DMGDH: variants seen among roughly 807,000 people sequenced by gnomAD.
DMGDH encodes the protein dimethylglycine dehydrogenase, also known as dimethylglycine dehydrogenase, mitochondrial.
In DMGDH, 76 loss-of-function variants were observed where a neutral mutation model predicts 95.2. The observed-to-expected ratio is 0.80, with a 90% CI of 0.66 to 0.97. DMGDH has a LOEUF of 0.97. Ranked by LOEUF, DMGDH falls within the 50% of genes least tolerant of loss-of-function variation. The pLI is 0.00. For missense variants in DMGDH, 987 were observed against 1,055.0 expected (o/e 0.94, Z 0.89); for synonymous variants, 345 against 377.6 (o/e 0.91, Z 1.00).
chr5:79,060,653 G>A (rs989537134), intron 2 of DMGDH, among the ~76,000 whole-genome samples: 1 of 152,086 alleles, frequency 6.6e-6, no homozygotes, highest in Non-Finnish European at 1.5e-5. Context: ...TGGCGCGGTG[G>A]CTCACGCCTG....
chr5:79,001,493 T>C (rs957379815), intron 15 of DMGDH, among the ~76,000 whole-genome samples: 1 of 152,204 alleles, frequency 6.6e-6, no homozygotes, highest in African/African-American at 2.4e-5. Flanking sequence ...ACTTTCTTGA[T>C]AACCTTGTTT....
intron 15 of DMGDH, among the ~76,000 whole-genome samples, chr5:79,003,349 G>A (rs1214771288): frequency 6.6e-6 from 1 of 152,168 alleles, no homozygotes; most frequent in Admixed American, 6.5e-5. Flanking sequence ...TTAATTAATG[G>A]CAGAGCTGGT....
At chr5:79,047,343 A>G (rs1018837936) in intron 5 of DMGDH, among the ~76,000 whole-genome samples, 1 of 152,188 alleles carries the variant, frequency 6.6e-6, no homozygotes, top group Non-Finnish European at 1.5e-5. Flanking sequence ...CTTCTACTAG[A>G]TGGTTTATAT....
At chr5:79,002,444 G>T (rs573780107) in intron 15 of DMGDH, among the ~76,000 whole-genome samples, 2 of 152,118 alleles carry the variant, frequency 1.3e-5, no homozygotes, top group Non-Finnish European at 2.9e-5. Flanking sequence ...GCTCCCTGTT[G>T]GACTTGACCT....
intron 1 of DMGDH, among the ~76,000 whole-genome samples, chr5:79,068,545 C>A (rs59761481): frequency 0.066 from 10,051 of 152,196 alleles, 604 homozygotes; most frequent in African/African-American, 0.15. Flanking sequence ...TGGAGACAAA[C>A]CTAGCACATC....
intron 12 of DMGDH, among the ~76,000 whole-genome samples, chr5:79,028,216 C>T (rs972341817): frequency 7.2e-5 from 11 of 152,014 alleles, no homozygotes; most frequent in African/African-American, 2.7e-4. Flanking sequence ...TCTGTGGAAC[C>T]ACTTTCAAGA....
intron 10 of DMGDH, 45 bp from the exon 11 acceptor site, chr5:79,030,079 A>G (rs1194349017): frequency 1.2e-5 from 18 of 1,540,848 alleles, no homozygotes; most frequent in Non-Finnish European, 1.4e-5. Context: ...ACTAAAAATC[A>G]CATGCATCCT....
intron 4 of DMGDH, among the ~76,000 whole-genome samples, chr5:79,052,397 C>G (rs1754895196): frequency 6.6e-6 from 1 of 152,164 alleles, no homozygotes; most frequent in African/African-American, 2.4e-5. Context: ...CTCTACATAT[C>G]TGGTCAAATT....
At chr5:79,069,410 G>T in intron 1 of DMGDH, 110 bp downstream of exon 1, 2 of 470,014 alleles carry the variant, frequency 4.3e-6, no homozygotes, top group Non-Finnish European at 6.8e-6. Flanking sequence ...ATATATCAAG[G>T]CCTATTTCTT....
At chr5:79,003,017 T>C (rs1207883119) in intron 15 of DMGDH, among the ~76,000 whole-genome samples, 1 of 152,178 alleles carries the variant, frequency 6.6e-6, no homozygotes, top group Admixed American at 6.5e-5. Flanking sequence ...GTTTTCAGGG[T>C]TTTAAAACTA....
At chr5:79,033,777 A>T (rs966938300) in intron 7 of DMGDH, among the ~76,000 whole-genome samples, 1 of 152,268 alleles carries the variant, frequency 6.6e-6, no homozygotes, top group South Asian at 2.1e-4. Flanking sequence ...CAAAAAAATT[A>T]AAAAATTATC....
At chr5:79,009,112 G>A (rs538089094) in intron 14 of DMGDH, among the ~76,000 whole-genome samples, 32 of 151,982 alleles carry the variant, frequency 2.1e-4, no homozygotes, top group Non-Finnish European at 2.2e-4. Context: ...TTAGGTGGCC[G>A]GAACCTATTT....
chr5:79,021,662 G>T, intron 14 of DMGDH: 1 of 1,312,920 alleles, frequency 7.6e-7, no homozygotes, highest in Non-Finnish European at 1.0e-6. Context: ...CTTAAAATGG[G>T]CAAAGCAGCT....
chr5:79,010,271 T>C (rs1001317710), intron 14 of DMGDH, among the ~76,000 whole-genome samples: 4 of 152,204 alleles, frequency 2.6e-5, no homozygotes, highest in African/African-American at 9.6e-5. Context: ...TTGTGATTCT[T>C]AGGGCAATGG....
At chr5:79,000,844 T>C (rs1753439965) in intron 15 of DMGDH, 3 of 637,176 alleles carry the variant, frequency 4.7e-6, no homozygotes, top group South Asian at 1.8e-5. Context: ...TGGCCACATA[T>C]ATATTTCCTC....
intron 9 of DMGDH, among the ~76,000 whole-genome samples, chr5:79,031,971 T>A (rs1754188849): frequency 6.6e-6 from 1 of 152,204 alleles, no homozygotes; most frequent in African/African-American, 2.4e-5. Flanking sequence ...ATGAATTAGA[T>A]CTAGTCTTAA....
At position 79,063,689 on chromosome 5, in the gene DMGDH, T is replaced by C. The variant is rs1305554983; in HGVS notation, c.200A>G (p.His67Arg). The C allele has an allele frequency of 6.2e-7, 1 of 1,614,198 alleles. No individual in the cohort carries two copies. The highest frequency in any genetic ancestry group is 1.7e-5 in the Admixed American group (1 of 60,028). The change falls in exon 2 of 16, where the codon CAC (histidine) becomes CGC (arginine). Residue 67 changes from histidine to arginine, a missense_variant. Transcript: ENST00000255189. ...ATCTTTCATCCCTGCTTTGGCCAGG[T>C]GATAAGCCAGACTCACACCAACACA... ...GGCVGVSLAYHLAKAGMKDVV... is the reference protein window; with the variant it reads ...GGCVGVSLAYRLAKAGMKDVV...
At chr5:79,063,418 T>A (rs1463602409) in intron 2 of DMGDH, among the ~76,000 whole-genome samples, 195 bp downstream of exon 2, 3 of 152,116 alleles carry the variant, frequency 2.0e-5, no homozygotes, top group Non-Finnish European at 4.4e-5. Context: ...CCAGAAGCCA[T>A]CTGTTCAAGA....
Position 79,033,303 on chromosome 5 carries a change from G to T in DMGDH, c.1299C>A (p.Gly433=). ...CAGTGTACTGGGTTGTTGTCCATTT[G>T]CCATAGCGATTAGGATCCAATTCTA... is the stretch of plus-strand genomic sequence containing the variant. ...DLIELDPNRY[G]KWTTTQYTEA... is the part of the protein sequence containing the mutation. The change falls in exon 8 of 16, where the codon GGC becomes GGA. Residue 433 remains glycine (G), a synonymous_variant. Coordinates refer to ENST00000255189, the MANE Select transcript of DMGDH (RefSeq NM_013391.3). The T allele has an allele frequency of 1.2e-6, 2 of 1,614,128 alleles. No homozygotes were observed. Among genetic ancestry groups the T allele is most frequent in the Non-Finnish European group, 1.7e-6 (2 of 1,180,030 alleles).
Sources: allele counts gnomAD v4.1 joint callset (sites outside exome capture counted in the v4.1 genomes callset), GRCh38; gene constraint gnomAD v4.1.1; transcripts MANE v1.5; gene names NCBI Gene and HGNC (gene_info 2026-07-23, HGNC 2026-07-21).